Variants in CORO7 observed in about 807,000 individuals in gnomAD.
CORO7 encodes coronin-7.
A neutral mutation model predicts 126.6 loss-of-function variants in CORO7; 107 were observed. The observed-to-expected ratio is 0.85, with a 90% CI of 0.72 to 0.99. The LOEUF (loss-of-function observed/expected upper bound fraction) is 0.99. Ranked by LOEUF, CORO7 falls within the 50% of genes least tolerant of loss-of-function variation. The pLI is 0.00. For missense variants in CORO7, 1,314 were observed against 1,255.8 expected (o/e 1.05, Z -0.70); for synonymous variants, 603 against 536.8 (o/e 1.12, Z -1.70).
rs2141197626 is a variant in CORO7 at position 4,364,899 on chromosome 16, CT to C, written c.919del (p.Ser307AlafsTer17). 1 of 1,610,822 alleles carries C rather than the reference CT, an allele frequency of 6.2e-7. No homozygotes were observed. Among genetic ancestry groups the C allele is most frequent in the East Asian group, 2.2e-5 (1 of 44,816 alleles). On this transcript the variant is annotated frameshift_variant, in exon 12 of 28. Coordinates refer to ENST00000251166, the MANE Select transcript of CORO7 (RefSeq NM_024535.5). LOFTEE classifies it high-confidence loss of function. ...LSPVTQCVLE[S>X]VLRGAALVPR... ...CACAAGGGCAGCCCCACGCAGCACGCTCTCCAGGACACACTGGGTCACTGTT... is the reference window on the plus strand; with the variant it reads ...CACAAGGGCAGCCCCACGCAGCACGCCTCCAGGACACACTGGGTCACTGTT...
chr16:4,372,878 C>G (rs78621532), intron 9 of CORO7, among the ~76,000 whole-genome samples: 2,698 of 152,284 alleles, frequency 0.018, 37 homozygotes, highest in Non-Finnish European at 0.03. Flanking sequence ...CCATGCCTGC[C>G]TTTTGCACCA....
intron 19 of CORO7, 129 bp from the exon 20 acceptor site, chr16:4,360,677 T>G: frequency 7.4e-7 from 1 of 1,356,988 alleles, no homozygotes; most frequent in Non-Finnish European, 1.0e-6. Context: ...TCCTCACTGC[T>G]GGTCTTGCCT....
intron 9 of CORO7, chr16:4,383,043 TC>T (rs963623904): frequency 2.2e-6 from 2 of 921,948 alleles, no homozygotes; most frequent in South Asian, 2.0e-5. Context: ...TGGGCCCTGT[TC>T]CCTCTGGACC....
chr16:4,395,059 G>C (rs2055533540), intron 7 of CORO7, among the ~76,000 whole-genome samples: 1 of 152,190 alleles, frequency 6.6e-6, no homozygotes, highest in African/African-American at 2.4e-5. Context: ...AGAGCCTGGG[G>C]GAAGCTTAGC....
At chr16:4,408,026 T>A (rs956771248) in intron 4 of CORO7, among the ~76,000 whole-genome samples, 155 bp downstream of exon 4, 2 of 152,108 alleles carry the variant, frequency 1.3e-5, no homozygotes, top group African/African-American at 4.8e-5. Context: ...GGAGCCAGTG[T>A]GGGACCAGGA....
chr16:4,389,459 C>T (rs995142160), intron 7 of CORO7, among the ~76,000 whole-genome samples: 2 of 152,190 alleles, frequency 1.3e-5, no homozygotes, highest in Non-Finnish European at 2.9e-5. Context: ...CAGCTTCCTC[C>T]GAACTTCCCA....
At chr16:4,401,531 G>A (rs1021503584) in intron 6 of CORO7, among the ~76,000 whole-genome samples, 4 of 152,206 alleles carry the variant, frequency 2.6e-5, no homozygotes, top group African/African-American at 4.8e-5. Context: ...TCCACACCTC[G>A]GATTCAGAGG....
At chr16:4,405,322 G>A (rs567109526) in intron 6 of CORO7, 169 bp downstream of exon 6, 2 of 630,786 alleles carry the variant, frequency 3.2e-6, no homozygotes, top group African/African-American at 3.8e-5. Context: ...TCCAGATGTA[G>A]GTGAGCGGGG....
chr16:4,364,974 G>A (rs2054303478), intron 11 of CORO7, 29 bp downstream of exon 11: 1 of 1,604,842 alleles, frequency 6.2e-7, no homozygotes, highest in Non-Finnish European at 8.5e-7. Flanking sequence ...GGGGAGGGTA[G>A]GGGATGGGGG....
chr16:4,359,315 G>A lies in CORO7; in HGVS notation c.2321C>T (p.Thr774Met), dbSNP rs757304912. 1.4e-5 allele frequency: 22 copies of A among 1,610,298 alleles called. No homozygotes were observed. Among genetic ancestry groups the A allele is most frequent in the South Asian group, 8.9e-5 (8 of 90,244 alleles). ...CCTCACCTTGTGGGGGTCAGGCGAC[G>A]TGAAGCTGTTGCACTCCAGGAAGAA... ...SPFFLECNSF[T>M]SPDPHKGLVL... Residue 774 changes from threonine (T) to methionine (M), a missense_variant, in exon 23 of 28, where the codon ACG becomes ATG. By Grantham distance (81) the Thr-to-Met change is moderately conservative (BLOSUM62 -1). Coordinates refer to ENST00000251166, the MANE Select transcript of CORO7 (RefSeq NM_024535.5).
chr16:4,389,389 G>A (rs1404935126), intron 7 of CORO7, among the ~76,000 whole-genome samples: 1 of 152,134 alleles, frequency 6.6e-6, no homozygotes. Flanking sequence ...AGTCACCCTG[G>A]CCCCTGGAGC....
chr16:4,406,277 G>A (rs2055995092), intron 5 of CORO7, among the ~76,000 whole-genome samples: 1 of 152,046 alleles, frequency 6.6e-6, no homozygotes, highest in Non-Finnish European at 1.5e-5. Context: ...TGGGATCACA[G>A]GCATGAGCCA....
In CORO7 at chr16:4,360,329, C is replaced by G. The variant is rs1461710243; in HGVS notation, c.2057G>C (p.Arg686Pro). The G allele has an allele frequency of 1.2e-6, 2 of 1,613,706 alleles. No individual in the cohort carries two copies. The highest frequency in any genetic ancestry group is 3.3e-5 in the Admixed American group (2 of 60,022). ...GCGACCATCACATACCCAGACAATGCGAGCTCCGCGTCCTCCCTTGGGCCC... is the reference window on the plus strand; with the variant it reads ...GCGACCATCACATACCCAGACAATGGGAGCTCCGCGTCCTCCCTTGGGCCC... ...GPGPKGGRGARIVWVCDGRCL... is the reference protein window; with the variant it reads ...GPGPKGGRGAPIVWVCDGRCL... The change falls in exon 21 of 28, where the codon CGC becomes CCC. Residue 686 changes from arginine to proline, a missense_variant. Physicochemically the swap from Arg to Pro is moderately radical, Grantham distance 103. Coordinates refer to ENST00000251166, the MANE Select transcript of CORO7 (RefSeq NM_024535.5).
chr16:4,382,568 C>T (rs2055029779), intron 9 of CORO7: 1 of 1,593,880 alleles, frequency 6.3e-7, no homozygotes, highest in Non-Finnish European at 8.5e-7. Context: ...TCCAACCACG[C>T]CCCAGTCACC....
rs73509344 is a variant in CORO7, at chr16:4,386,780, G to A, written c.785+1206C>T. On this transcript the variant is annotated intron_variant, in intron 9 of 27. Coordinates refer to ENST00000251166, the MANE Select transcript of CORO7 (RefSeq NM_024535.5). ...TCAGCCCCTCCCTGGGTGTGACAGG[G>A]TGGGAAAGGGCGTCACTGTCACCCT... Among the ~76,000 whole-genome samples, 425 of 152,292 alleles carry A rather than the reference G, an allele frequency of 2.8e-3. 1 individual carries two copies. The highest frequency in any genetic ancestry group is 9.8e-3 in the African/African-American group (406 of 41,556).
rs1357376632 is a variant in CORO7 at position 4,364,653 on chromosome 16, C to T, written c.1081G>A (p.Ala361Thr). 3 of 1,580,420 alleles carry T rather than the reference C, an allele frequency of 1.9e-6. No individual in the cohort carries two copies. The highest frequency in any genetic ancestry group is 3.7e-5 in the Admixed American group (2 of 54,534). ...GGGTCGGTGGCAGGCACACAGCCGG[C>T]AGTGTCCGGGAACAGGTCCTCGTGG... ...EFHEDLFPDT[A>T]GCVPATDPHS... Residue 361 changes from alanine (A) to threonine (T), a missense_variant, in exon 13 of 28, where the codon GCC becomes ACC. Ala to Thr is a moderately conservative substitution (Grantham distance 58). Transcript: ENST00000251166.
chr16:4,377,966 C>A (rs2054807726), intron 9 of CORO7, among the ~76,000 whole-genome samples: 1 of 152,180 alleles, frequency 6.6e-6, no homozygotes, highest in African/African-American at 2.4e-5. Context: ...GCCGGAAAGC[C>A]ACCCTGTGGC....
chr16:4,409,169 T>C (rs1202646210), intron 3 of CORO7, among the ~76,000 whole-genome samples: 2 of 152,158 alleles, frequency 1.3e-5, no homozygotes, highest in African/African-American at 4.8e-5. Context: ...CCTGCTGCTG[T>C]CTGCCTCCCA....
intron 9 of CORO7, chr16:4,382,142 TG>T: frequency 6.3e-7 from 1 of 1,591,744 alleles, no homozygotes; most frequent in Admixed American, 1.7e-5. Context: ...ACATGCCACC[TG>T]GGGACACGGC....
Sources: allele counts gnomAD v4.1 joint callset (sites outside exome capture counted in the v4.1 genomes callset), GRCh38; gene constraint gnomAD v4.1.1; transcripts MANE v1.5; gene names NCBI Gene and HGNC (gene_info 2026-07-23, HGNC 2026-07-21).